The following CSMD1 variants were observed in gnomAD, a reference collection of about 807,000 sequenced individuals.
CSMD1 encodes CUB and Sushi multiple domains 1.
A neutral mutation model predicts 417.5 loss-of-function variants in CSMD1; 213 were observed. That is an observed-to-expected ratio of 0.51 (90% CI 0.46 to 0.57). The LOEUF (loss-of-function observed/expected upper bound fraction) is 0.57, where lower values mean the gene tolerates loss of function less well. Ranked by LOEUF, CSMD1 falls within the 20% of genes least tolerant of loss-of-function variation. CSMD1 has a pLI of 0.00. For synonymous variants in CSMD1, 2,862 were observed against 1,736.8 expected (o/e 1.65, Z -16.11); for missense variants, 6,923 against 4,529.7 (o/e 1.53, Z -15.17).
At chr8:4,220,500 A>C (rs1800961903) in intron 3 of CSMD1, among the ~76,000 whole-genome samples, 1 of 152,118 alleles carries the variant, frequency 6.6e-6, no homozygotes. Flanking sequence ...TTGTGTAAGA[A>C]ATATCTAATC....
chr8:4,119,417 G>C (rs372334348), intron 3 of CSMD1, among the ~76,000 whole-genome samples: 4 of 152,174 alleles, frequency 2.6e-5, no homozygotes, highest in Non-Finnish European at 5.9e-5. Context: ...TAGAAATCAA[G>C]TCACAGGATG....
At chr8:4,945,104 A>G (rs1036738176) in intron 1 of CSMD1, among the ~76,000 whole-genome samples, 1 of 152,280 alleles carries the variant, frequency 6.6e-6, no homozygotes, top group East Asian at 1.9e-4. Context: ...TACAACACAG[A>G]TGGACCTCAA....
At chr8:4,840,921 G>C (rs555154404) in intron 1 of CSMD1, among the ~76,000 whole-genome samples, 1 of 152,180 alleles carries the variant, frequency 6.6e-6, no homozygotes, top group Admixed American at 6.5e-5. Context: ...ACTGTAAAGT[G>C]AATACAAATA....
chr8:3,439,379 T>C (rs752740479), intron 12 of CSMD1, among the ~76,000 whole-genome samples: 7 of 146,866 alleles, frequency 4.8e-5, no homozygotes, highest in Non-Finnish European at 4.5e-5. Flanking sequence ...CATTTTTGTC[T>C]TAAATTTCCC....
intron 23 of CSMD1, among the ~76,000 whole-genome samples, chr8:3,314,402 C>T (rs1268193943): frequency 2.6e-5 from 4 of 152,110 alleles, no homozygotes; most frequent in Non-Finnish European, 5.9e-5. Flanking sequence ...ACTTTAAAAA[C>T]ATACAGAAGG....
rs377085744 is a variant in CSMD1 at position 3,311,460 on chromosome 8, G to C, written c.3632-2957C>G. Among the ~76,000 whole-genome samples the C allele has an allele frequency of 3.0e-4, 45 of 147,704 alleles. No individual in the cohort carries two copies. In the East Asian group the frequency reaches 6.2e-3, roughly 20 times the overall value. Reference sequence around the variant, plus strand: ...AGTCAGGGTTTCACCACGTTGTCTAGGCTTGTCTCAAACTCCTGACCTCAA... The same window carrying C: ...AGTCAGGGTTTCACCACGTTGTCTACGCTTGTCTCAAACTCCTGACCTCAA... On this transcript the variant is annotated intron_variant, in intron 23 of 69. Transcript: ENST00000635120.
chr8:4,131,025 C>T (rs1004012939), intron 3 of CSMD1, among the ~76,000 whole-genome samples: 3 of 152,096 alleles, frequency 2.0e-5, no homozygotes, highest in African/African-American at 4.8e-5. Context: ...AATGACTCCA[C>T]TGGCTCAAGC....
chr8:4,928,943 T>C (rs1045627727), intron 1 of CSMD1, among the ~76,000 whole-genome samples: 2 of 152,058 alleles, frequency 1.3e-5, no homozygotes, highest in East Asian at 3.9e-4. Context: ...GGTTGGTACA[T>C]GCCTGTAATC....
chr8:3,611,873 T>C (rs1801910714), intron 8 of CSMD1, among the ~76,000 whole-genome samples: 1 of 152,208 alleles, frequency 6.6e-6, no homozygotes, highest in Admixed American at 6.5e-5. Flanking sequence ...CAATAAATTT[T>C]GATGTAAGAA....
intron 20 of CSMD1, among the ~76,000 whole-genome samples, chr8:3,362,069 T>C (rs1422825403): frequency 2.6e-5 from 4 of 152,202 alleles, no homozygotes; most frequent in East Asian, 1.9e-4. Flanking sequence ...TTATCCTTTT[T>C]TTCCCCCTTC....
chr8:4,305,606 G>A (rs771683055), intron 3 of CSMD1, among the ~76,000 whole-genome samples: 3 of 152,136 alleles, frequency 2.0e-5, no homozygotes, highest in Non-Finnish European at 4.4e-5. Flanking sequence ...TTTCAATACA[G>A]AATCCACGTA....
At chr8:4,229,253 C>A (rs1255759494) in intron 3 of CSMD1, among the ~76,000 whole-genome samples, 1 of 152,182 alleles carries the variant, frequency 6.6e-6, no homozygotes, top group African/African-American at 2.4e-5. Context: ...TCAAAAGACG[C>A]TGAGATGCTG....
intron 8 of CSMD1, among the ~76,000 whole-genome samples, chr8:3,614,537 C>A (rs1020917971): frequency 6.6e-6 from 1 of 152,146 alleles, no homozygotes; most frequent in Non-Finnish European, 1.5e-5. Flanking sequence ...TCACAACTTC[C>A]CTGTTAACTT....
chr8:4,227,834 C>A (rs2128811960), intron 3 of CSMD1, among the ~76,000 whole-genome samples: 1 of 150,656 alleles, frequency 6.6e-6, no homozygotes, highest in South Asian at 2.1e-4. Context: ...TACTCTCCAT[C>A]CTGCATTAAA....
intron 1 of CSMD1, among the ~76,000 whole-genome samples, chr8:4,870,852 C>G (rs118131601): frequency 6.6e-6 from 1 of 152,114 alleles, no homozygotes; most frequent in Admixed American, 6.5e-5. Context: ...TCAGATGAAT[C>G]CAAGTTTGTC....
At chr8:4,616,274 G>A (rs1264002195) in intron 2 of CSMD1, among the ~76,000 whole-genome samples, 1 of 152,120 alleles carries the variant, frequency 6.6e-6, no homozygotes, top group Non-Finnish European at 1.5e-5. Flanking sequence ...AATTGTACAA[G>A]TCTACACTGG....
chr8:3,142,799 C>A, intron 40 of CSMD1, 125 bp from the exon 41 acceptor site: 1 of 835,052 alleles, frequency 1.2e-6, no homozygotes, highest in South Asian at 1.6e-5. Context: ...CAGAACCATG[C>A]CGTGGAGGAC....
intron 7 of CSMD1, among the ~76,000 whole-genome samples, chr8:3,623,558 G>A (rs1796358872): frequency 1.3e-5 from 2 of 152,174 alleles, no homozygotes; most frequent in African/African-American, 2.4e-5. Flanking sequence ...AAGCTTATGT[G>A]TTTGCTAGAA....
intron 5 of CSMD1, among the ~76,000 whole-genome samples, chr8:3,904,915 G>T (rs1354551051): frequency 6.6e-6 from 1 of 152,060 alleles, no homozygotes; most frequent in Admixed American, 6.5e-5. Flanking sequence ...GAGATTACAG[G>T]TGTGAGCCAC....
Sources: allele counts gnomAD v4.1 joint callset (sites outside exome capture counted in the v4.1 genomes callset), GRCh38; gene constraint gnomAD v4.1.1; transcripts MANE v1.5; gene names NCBI Gene and HGNC (gene_info 2026-07-23, HGNC 2026-07-21).